LDB2: variants seen among roughly 807,000 people sequenced by gnomAD.
LDB2 encodes the protein LIM domain-binding protein 2.
In LDB2, 12 loss-of-function variants were observed where a neutral mutation model predicts 44.3. The observed-to-expected ratio is 0.27, with a 90% CI of 0.17 to 0.44. LDB2 has a LOEUF of 0.44. Among genes scored for constraint, LDB2 ranks in the 20% least tolerant of loss-of-function variants. The probability of loss-of-function intolerance (pLI) is 1.00; values close to 1 mark genes in which losing one functional copy is unlikely to be tolerated. For missense variants in LDB2, 344 were observed against 473.5 expected (o/e 0.73, Z 2.54); for synonymous variants, 164 against 174.8 (o/e 0.94, Z 0.49).
At chr4:16,832,160 C>T (rs1784181264) in intron 1 of LDB2, among the ~76,000 whole-genome samples, 2 of 152,204 alleles carry the variant, frequency 1.3e-5, no homozygotes, top group Non-Finnish European at 2.9e-5. Context: ...ACATTCATTA[C>T]ATGTTTGCTA....
intron 5 of LDB2, among the ~76,000 whole-genome samples, chr4:16,564,993 T>G (rs1039546606): frequency 2.0e-5 from 3 of 152,250 alleles, no homozygotes; most frequent in Non-Finnish European, 4.4e-5. Context: ...CAATTCTCCT[T>G]TACAATTACA....
chr4:16,744,845 T>C (rs1441789809), intron 2 of LDB2, among the ~76,000 whole-genome samples: 2 of 152,204 alleles, frequency 1.3e-5, no homozygotes, highest in Admixed American at 6.5e-5. Flanking sequence ...GCTAGCTGGG[T>C]TGCCTTGAGC....
intron 1 of LDB2, among the ~76,000 whole-genome samples, chr4:16,896,426 G>T (rs1200966427): frequency 1.3e-5 from 2 of 152,014 alleles, no homozygotes; most frequent in African/African-American, 2.4e-5. Context: ...TTTAATGAGG[G>T]CAAGAGTAGG....
At chr4:16,774,256 G>T (rs940583260) in intron 1 of LDB2, among the ~76,000 whole-genome samples, 1 of 151,498 alleles carries the variant, frequency 6.6e-6, no homozygotes, top group Admixed American at 6.6e-5. Flanking sequence ...CATTCCTCAA[G>T]GCTTCCATCC....
At chr4:16,595,209 T>A (rs1290412629) in intron 3 of LDB2, among the ~76,000 whole-genome samples, 1 of 152,150 alleles carries the variant, frequency 6.6e-6, no homozygotes, top group Non-Finnish European at 1.5e-5. Flanking sequence ...CAGCTGCTTG[T>A]TGAATTCCCT....
chr4:16,525,734 GAT>G (rs779805103), intron 5 of LDB2, among the ~76,000 whole-genome samples: 1 of 152,168 alleles, frequency 6.6e-6, no homozygotes, highest in African/African-American at 2.4e-5. Context: ...ATAAACAAAA[GAT>G]ATATACTATG....
intron 1 of LDB2, among the ~76,000 whole-genome samples, chr4:16,820,469 A>G (rs552169221): frequency 1.3e-5 from 2 of 152,286 alleles, no homozygotes; most frequent in South Asian, 2.1e-4. Flanking sequence ...ATAGAGGGGG[A>G]AAAACCGTCA....
chr4:16,891,131 T>G, intron 1 of LDB2, among the ~76,000 whole-genome samples: 1 of 151,870 alleles, frequency 6.6e-6, no homozygotes, highest in East Asian at 1.9e-4. Context: ...ACTCATTCAC[T>G]ACTGTTTAAA....
At chr4:16,832,527 T>G (rs1784243915) in intron 1 of LDB2, among the ~76,000 whole-genome samples, 1 of 152,254 alleles carries the variant, frequency 6.6e-6, no homozygotes, top group Non-Finnish European at 1.5e-5. Context: ...GCTTAATACT[T>G]TTTTAGAGAA....
At position 16,636,483 on chromosome 4, in the gene LDB2, G is replaced by A. The variant is rs1462148011; in HGVS notation, c.236-40608C>T. On this transcript the variant is annotated intron_variant, in intron 2 of 7. Transcript: ENST00000304523. ...TGTCGAGTAGATTAAATGCCTTATG[G>A]TTCTGATGGCACTCTAGTTACTTAG... Among the ~76,000 whole-genome samples the A allele has an allele frequency of 2.6e-5, 4 of 152,272 alleles. No individual in the cohort carries two copies. In the South Asian group the frequency reaches 8.3e-4, roughly 32 times the overall value.
intron 2 of LDB2, among the ~76,000 whole-genome samples, chr4:16,712,436 C>T (rs12643301): frequency 0.1 from 15,515 of 152,050 alleles, 1,012 homozygotes; most frequent in Admixed American, 0.17. Flanking sequence ...CCTGTAGTCC[C>T]GGCTACTTGG....
chr4:16,641,041 T>C (rs1734997014), intron 2 of LDB2, among the ~76,000 whole-genome samples: 1 of 151,920 alleles, frequency 6.6e-6, no homozygotes, highest in African/African-American at 2.4e-5. Flanking sequence ...AGTTGAAAAC[T>C]ATAAGGAAAA....
chr4:16,642,505 A>G (rs1735483012), intron 2 of LDB2, among the ~76,000 whole-genome samples: 1 of 152,200 alleles, frequency 6.6e-6, no homozygotes. Flanking sequence ...AGAAGGAGAT[A>G]AATTGAAAAT....
chr4:16,758,508 C>G (rs1245051195), intron 2 of LDB2, among the ~76,000 whole-genome samples: 1 of 152,158 alleles, frequency 6.6e-6, no homozygotes, highest in Non-Finnish European at 1.5e-5. Flanking sequence ...GCACAACTAG[C>G]AAATCTGATC....
intron 1 of LDB2, among the ~76,000 whole-genome samples, chr4:16,882,055 C>T (rs1329701818): frequency 6.6e-6 from 1 of 152,178 alleles, no homozygotes; most frequent in African/African-American, 2.4e-5. Flanking sequence ...TGTGTATGCA[C>T]GTGTGTGCAT....
chr4:16,894,183 T>C (rs1447241636), intron 1 of LDB2, among the ~76,000 whole-genome samples: 1 of 152,184 alleles, frequency 6.6e-6, no homozygotes, highest in African/African-American at 2.4e-5. Flanking sequence ...TAAAACTATA[T>C]AATTGTGCGG....
In LDB2 at chr4:16,583,714, C is replaced by A. The variant is rs1220757404; in HGVS notation, c.615+2208G>T. On this transcript the variant is annotated intron_variant, in intron 5 of 7. Coordinates refer to ENST00000304523, the MANE Select transcript of LDB2 (RefSeq NM_001290.5). ...TGCTTTTGGGCAATGAGTTTGAGAT[C>A]CGCTCAGCCATGACCTGTCAAGCGG... Among the ~76,000 whole-genome samples the A allele has an allele frequency of 2.0e-5, 3 of 152,320 alleles. No individual in the cohort carries two copies. The East Asian group carries it at 5.8e-4, about 29-fold the overall frequency.
At chr4:16,783,465 G>T (rs1053943961) in intron 1 of LDB2, among the ~76,000 whole-genome samples, 1 of 152,236 alleles carries the variant, frequency 6.6e-6, no homozygotes, top group Non-Finnish European at 1.5e-5. Flanking sequence ...CACCCACGGA[G>T]GTTGTCCTCA....
At chr4:16,741,430 C>T (rs1211196595) in intron 2 of LDB2, 1 of 152,212 alleles carries the variant, frequency 6.6e-6, no homozygotes, top group East Asian at 1.9e-4. Context: ...GCTATGAAAG[C>T]TGTAACATAA....
Sources: allele counts gnomAD v4.1 joint callset (sites outside exome capture counted in the v4.1 genomes callset), GRCh38; gene constraint gnomAD v4.1.1; transcripts MANE v1.5; gene names NCBI Gene and HGNC (gene_info 2026-07-23, HGNC 2026-07-21).